Variants in C1orf21 observed in about 807,000 individuals in gnomAD.
The protein encoded by C1orf21 is uncharacterized protein C1orf21.
In C1orf21, 3 loss-of-function variants were observed where a neutral mutation model predicts 18.7. That is an observed-to-expected ratio of 0.16 (90% confidence interval 0.07 to 0.42). The LOEUF is 0.42. C1orf21 is among the 10% of genes least tolerant of loss of function. The probability of loss-of-function intolerance (pLI) is 0.99; values close to 1 mark genes in which losing one functional copy is unlikely to be tolerated. For synonymous variants in C1orf21, 41 were observed against 46.4 expected, an observed-to-expected ratio of 0.88 and a Z score of 0.47; for missense variants, 104 against 143.6, an observed-to-expected ratio of 0.72 and a Z score of 1.41.
At chr1:184,426,906 G>A (rs148746972) in intron 1 of C1orf21, among the ~76,000 whole-genome samples, 343 of 152,242 alleles carry the variant, frequency 2.3e-3, no homozygotes, top group Middle Eastern at 0.017. Context: ...TACGTTTATT[G>A]AGACCCTCCT....
chr1:184,408,962 C>G (rs1656289936), intron 1 of C1orf21, among the ~76,000 whole-genome samples: 1 of 152,206 alleles, frequency 6.6e-6, no homozygotes, highest in South Asian at 2.1e-4. Flanking sequence ...AATCACATGG[C>G]CATTCTCACA....
chr1:184,591,092 T>A (rs112611057), intron 4 of C1orf21, among the ~76,000 whole-genome samples: 1 of 152,154 alleles, frequency 6.6e-6, no homozygotes, highest in Non-Finnish European at 1.5e-5. Flanking sequence ...TCTATACCAT[T>A]TTATATCAGG....
intron 3 of C1orf21, among the ~76,000 whole-genome samples, chr1:184,587,861 T>G (rs1307764086): frequency 6.6e-6 from 1 of 152,076 alleles, no homozygotes; most frequent in Non-Finnish European, 1.5e-5. Context: ...ATAATCTGCC[T>G]GCCTCAGCCT....
At chr1:184,444,676 A>G (rs1469938734) in intron 1 of C1orf21, among the ~76,000 whole-genome samples, 1 of 152,132 alleles carries the variant, frequency 6.6e-6, no homozygotes, top group Non-Finnish European at 1.5e-5. Context: ...TACTTCCTTT[A>G]TATAAAAATG....
intron 1 of C1orf21, among the ~76,000 whole-genome samples, chr1:184,464,285 C>T (rs186404621): frequency 6.6e-6 from 1 of 152,238 alleles, no homozygotes; most frequent in East Asian, 1.9e-4. Context: ...ACTTATGTAC[C>T]CAGTAGACAG....
intron 5 of C1orf21, among the ~76,000 whole-genome samples, chr1:184,614,790 C>T (rs985320895): frequency 6.6e-6 from 1 of 152,154 alleles, no homozygotes. Flanking sequence ...AACCTAGATC[C>T]CTCACATGCA....
chr1:184,610,823 A>G (rs1659724089), intron 5 of C1orf21, among the ~76,000 whole-genome samples: 1 of 149,328 alleles, frequency 6.7e-6, no homozygotes, highest in Non-Finnish European at 1.5e-5. Flanking sequence ...CTCCAGCCTG[A>G]GCAACAGAGC....
intron 1 of C1orf21, among the ~76,000 whole-genome samples, chr1:184,392,668 C>T (rs1011281369): frequency 1.3e-5 from 2 of 152,104 alleles, no homozygotes; most frequent in African/African-American, 4.8e-5. Context: ...TCCCAGCATC[C>T]AGTGGCTTTC....
At chr1:184,391,579 A>C (rs1472701695) in intron 1 of C1orf21, among the ~76,000 whole-genome samples, 2 of 152,202 alleles carry the variant, frequency 1.3e-5, no homozygotes, top group African/African-American at 2.4e-5. Flanking sequence ...ATGTGGACTT[A>C]AGTTTTAATA....
intron 1 of C1orf21, among the ~76,000 whole-genome samples, chr1:184,395,856 C>T (rs1423789899): frequency 6.6e-6 from 1 of 152,196 alleles, no homozygotes; most frequent in East Asian, 1.9e-4. Context: ...TATATTTGGA[C>T]TGACACTTGA....
At chr1:184,389,225 C>T (rs1359163871) in intron 1 of C1orf21, among the ~76,000 whole-genome samples, 2 of 151,360 alleles carry the variant, frequency 1.3e-5, no homozygotes, top group African/African-American at 4.9e-5. Flanking sequence ...GTGCGCTCAG[C>T]TCTTGGGTGG....
At chr1:184,443,702 GGACAGT>G (rs1656986878) in intron 1 of C1orf21, among the ~76,000 whole-genome samples, 1 of 152,098 alleles carries the variant, frequency 6.6e-6, no homozygotes, top group Non-Finnish European at 1.5e-5. Context: ...AAGCCTGCAG[GGACAGT>G]ACTGAACTTC....
intron 3 of C1orf21, chr1:184,546,064 A>G (rs548069915): frequency 1.3e-5 from 2 of 152,194 alleles, no homozygotes; most frequent in African/African-American, 2.4e-5. Context: ...AGACACCTCC[A>G]TCTTGCCCTA....
intron 1 of C1orf21, among the ~76,000 whole-genome samples, chr1:184,412,735 G>T (rs1436398150): frequency 1.3e-5 from 2 of 152,166 alleles, no homozygotes; most frequent in African/African-American, 4.8e-5. Context: ...TTGAGCCCAG[G>T]AGTTCAAGGT....
Position 184,416,253 on chromosome 1 carries a change from T to C in C1orf21, c.-125+28885T>C, listed in dbSNP as rs1656449563. Among the ~76,000 whole-genome samples the C allele has an allele frequency of 1.3e-5, 2 of 152,208 alleles. 1 individual carries two copies. Among genetic ancestry groups the C allele is most frequent in the South Asian group, 4.1e-4 (2 of 4,832 alleles). On this transcript the variant is annotated intron_variant, in intron 1 of 5. Transcript: ENST00000235307. Reference sequence around the variant, plus strand: ...TTAAATAAGACTTTTACTCATTCAGTAATTTGTTCCTTGAAGGAATCATGT... The same window carrying C: ...TTAAATAAGACTTTTACTCATTCAGCAATTTGTTCCTTGAAGGAATCATGT...
chr1:184,407,972 G>A (rs1444201237), intron 1 of C1orf21, among the ~76,000 whole-genome samples: 1 of 152,168 alleles, frequency 6.6e-6, no homozygotes, highest in Non-Finnish European at 1.5e-5. Context: ...GCTAATGGAT[G>A]CCAGGTGAGA....
At chr1:184,553,228 G>A (rs927789884) in intron 3 of C1orf21, among the ~76,000 whole-genome samples, 2 of 152,156 alleles carry the variant, frequency 1.3e-5, no homozygotes, top group Admixed American at 6.5e-5. Context: ...CTGTTTATTC[G>A]TAAGTCCAAG....
intron 2 of C1orf21, among the ~76,000 whole-genome samples, chr1:184,491,796 G>C (rs1400650464): frequency 1.3e-5 from 2 of 152,188 alleles, no homozygotes; most frequent in Admixed American, 6.5e-5. Context: ...CATTTTGCCT[G>C]TTTTCAGCCC....
At chr1:184,574,048 T>G (rs1659150913) in intron 3 of C1orf21, among the ~76,000 whole-genome samples, 1 of 150,418 alleles carries the variant, frequency 6.6e-6, no homozygotes. Flanking sequence ...AAAAAAAAAA[T>G]ACAAAAATTA....
Sources: allele counts gnomAD v4.1 joint callset (sites outside exome capture counted in the v4.1 genomes callset), GRCh38; gene constraint gnomAD v4.1.1; transcripts MANE v1.5; gene names NCBI Gene and HGNC (gene_info 2026-07-23, HGNC 2026-07-21).